Variants in AFG2A observed in about 807,000 individuals in gnomAD.
AFG2A encodes the protein ATPase family gene 2 protein homolog A.
At chr4:123,006,015 A>G in the AFG2A span, among the ~76,000 whole-genome samples, 4 of 150,858 alleles carry the variant, frequency 2.7e-5, no homozygotes, top group African/African-American at 4.9e-5. Flanking sequence ...TGTAGATTCA[A>G]GTTTCTATCT....
the AFG2A span, among the ~76,000 whole-genome samples, chr4:123,259,137 G>C: frequency 6.6e-6 from 1 of 152,182 alleles, no homozygotes; most frequent in Non-Finnish European, 1.5e-5. Context: ...AAAGTGCTGG[G>C]ATTACAGGCA....
At chr4:123,224,021 ATGATTTCTGT>A in the AFG2A span, among the ~76,000 whole-genome samples, 1 of 152,096 alleles carries the variant, frequency 6.6e-6, no homozygotes, top group East Asian at 1.9e-4. Flanking sequence ...CTTTTCCCTT[ATGATTTCTGT>A]AGGAGTTTTA....
At chr4:123,193,210 A>C in the AFG2A span, among the ~76,000 whole-genome samples, 11 of 152,324 alleles carry the variant, frequency 7.2e-5, no homozygotes, top group African/African-American at 2.6e-4. Flanking sequence ...AAATTGCCTG[A>C]TAGTGATTTC....
the AFG2A span, among the ~76,000 whole-genome samples, chr4:123,046,202 G>T: frequency 4.6e-5 from 7 of 152,050 alleles, no homozygotes; most frequent in South Asian, 1.2e-3. Flanking sequence ...CTATTCAGTG[G>T]TTTATGATTT....
the AFG2A span, chr4:123,056,410 T>C: frequency 2.2e-5 from 36 of 1,612,678 alleles, no homozygotes; most frequent in Admixed American, 3.3e-5. Context: ...TGAATAAATA[T>C]GTTGGTGAAT....
chr4:123,081,563 A>G, the AFG2A span, among the ~76,000 whole-genome samples: 1 of 152,214 alleles, frequency 6.6e-6, no homozygotes, highest in Non-Finnish European at 1.5e-5. Flanking sequence ...CTTCCAAGTT[A>G]TGAAGACTGT....
At chr4:123,300,156 T>C in the AFG2A span, among the ~76,000 whole-genome samples, 11 of 152,306 alleles carry the variant, frequency 7.2e-5, no homozygotes, top group South Asian at 2.1e-4. Flanking sequence ...TAGGTAATAA[T>C]AGTTAAGAAA....
the AFG2A span, among the ~76,000 whole-genome samples, chr4:123,180,112 C>T: frequency 4.6e-5 from 7 of 151,990 alleles, no homozygotes; most frequent in Admixed American, 1.3e-4. Context: ...CCCAGCTACT[C>T]GGCAGAGTGA....
the AFG2A span, among the ~76,000 whole-genome samples, chr4:123,104,318 A>C: frequency 1.3e-5 from 2 of 152,230 alleles, no homozygotes; most frequent in South Asian, 2.1e-4. Context: ...AAGACAGCAA[A>C]CCTAATAAAT....
chr4:123,056,367 G>A, the AFG2A span: 4 of 1,606,958 alleles, frequency 2.5e-6, no homozygotes, highest in Admixed American at 1.7e-5. Flanking sequence ...ACACTGAACA[G>A]TTGTTTTCTT....
the AFG2A span, among the ~76,000 whole-genome samples, chr4:122,967,289 A>C: frequency 6.6e-6 from 1 of 151,990 alleles, no homozygotes; most frequent in South Asian, 2.1e-4. Context: ...AGTCCTAGCT[A>C]CTTGGGAGGC....
At chr4:123,302,172 G>C in the AFG2A span, among the ~76,000 whole-genome samples, 1 of 152,304 alleles carries the variant, frequency 6.6e-6, no homozygotes, top group South Asian at 2.1e-4. Flanking sequence ...AGGAGGTTGA[G>C]ACACTCTAGA....
the AFG2A span, among the ~76,000 whole-genome samples, chr4:122,967,595 G>A: frequency 6.6e-6 from 1 of 152,024 alleles, no homozygotes; most frequent in East Asian, 1.9e-4. Context: ...TTGCACACTA[G>A]TCAGCTTATA....
chr4:123,143,804 T>A, the AFG2A span, among the ~76,000 whole-genome samples: 9 of 149,108 alleles, frequency 6.0e-5, no homozygotes, highest in Non-Finnish European at 1.2e-4. Context: ...CTTGACTTCA[T>A]TCAGGGATAT....
chr4:123,011,610 C>A, the AFG2A span, among the ~76,000 whole-genome samples: 2 of 152,246 alleles, frequency 1.3e-5, no homozygotes, highest in East Asian at 1.9e-4. Context: ...ATGGAAAAAT[C>A]GAAAGTGCCA....
the AFG2A span, among the ~76,000 whole-genome samples, chr4:123,044,495 C>G: frequency 6.6e-6 from 1 of 152,116 alleles, no homozygotes; most frequent in Non-Finnish European, 1.5e-5. Flanking sequence ...CAAGCTTCAC[C>G]ATAAATTTGC....
At chr4:123,067,742 T>C in the AFG2A span, among the ~76,000 whole-genome samples, 2 of 152,190 alleles carry the variant, frequency 1.3e-5, no homozygotes, top group African/African-American at 2.4e-5. Context: ...AGAATCAGTA[T>C]AATAATTACC....
chr4:123,111,571 T>C, the AFG2A span, among the ~76,000 whole-genome samples: 4 of 152,208 alleles, frequency 2.6e-5, no homozygotes, highest in African/African-American at 9.6e-5. Context: ...CTATGTCTTA[T>C]CATGAATTTA....
At chr4:123,245,490 G>A in the AFG2A span, among the ~76,000 whole-genome samples, 1 of 152,182 alleles carries the variant, frequency 6.6e-6, no homozygotes, top group East Asian at 1.9e-4. Flanking sequence ...TTGGATTAGT[G>A]CTGGATACAT....
Sources: gnomAD v4.1 joint callset for allele counts (sites outside exome capture counted in the v4.1 genomes callset) on GRCh38, gnomAD v4.1.1 for gene constraint, MANE v1.5 for transcripts, NCBI Gene and HGNC (gene_info 2026-07-23, HGNC 2026-07-21) for gene names.